RPL13: variants seen among roughly 807,000 people sequenced by gnomAD.
The protein encoded by RPL13 is large ribosomal subunit protein eL13.
Under a neutral mutation model 21.4 loss-of-function variants are expected in RPL13, and 1 was observed. The ratio of observed to expected loss-of-function variants is 0.05; its 90% confidence interval spans 0.02 to 0.22. The LOEUF is 0.22. Ranked by LOEUF, RPL13 falls within the 10% of genes least tolerant of loss-of-function variation. The pLI is 1.00. For synonymous variants in RPL13, 143 were observed against 120.5 expected (o/e 1.19, Z -1.23); for missense variants, 289 against 303.0 (o/e 0.95, Z 0.34).
chr16:89,562,430 A>C, intron 5 of RPL13, 39 bp downstream of exon 5: 1 of 1,595,912 alleles, frequency 6.3e-7, no homozygotes, highest in Admixed American at 1.8e-5. Context: ...TTCAGACGAG[A>C]TCAGTGGGTG....
Position 89,562,407 on chromosome 16 carries a change from C to G in RPL13, c.477+16C>G, listed in dbSNP as rs189476354. The G allele has an allele frequency of 1.5e-4, 249 of 1,609,072 alleles. 1 individual carries two copies. The East Asian group carries it at 4.8e-3, about 31-fold the overall frequency. ...CGTCCGGAACGTAAGTGAACACTTA[C>G]TCAAATCCAGGCTTCAGACGAGATC... On this transcript the variant is annotated intron_variant, in intron 5 of 5. Transcript: ENST00000311528.
chr16:89,560,695 T>G lies in RPL13; in HGVS notation c.-38T>G. ...CGGGGCCGCTTCCTTTCCGCTCGGC[T>G]GTTTTCCTGCGCAGGAGGTGAGGGA... On this transcript the variant is annotated 5_prime_UTR_variant, in exon 1 of 6. Transcript: ENST00000311528. The G allele has an allele frequency of 2.0e-5, 8 of 392,678 alleles. No individual in the cohort carries two copies. The highest frequency in any genetic ancestry group is 2.3e-5 in the Non-Finnish European group (5 of 219,890). 24.3% of individuals were successfully genotyped at this position (392,678 alleles called of 1,614,324 possible).
chr16:89,564,074 C>T lies in RPL13; in HGVS notation c.*1032C>T, dbSNP rs891185242. On this transcript the variant is annotated 3_prime_UTR_variant, in exon 6 of 6. Transcript: ENST00000311528. Reference sequence around the variant, plus strand: ...TGCTCAGACACAGCCTGCCCTAGTCCTACCAGCTCACAGCAGCACCTGCTC... The same window carrying T: ...TGCTCAGACACAGCCTGCCCTAGTCTTACCAGCTCACAGCAGCACCTGCTC... 6.6e-6 allele frequency: 1 copy of T among 152,294 alleles called. No homozygotes were observed. The highest frequency in any genetic ancestry group is 2.4e-5 in the African/African-American group (1 of 41,450). 9.4% of individuals were successfully genotyped at this position (152,294 alleles called of 1,614,324 possible).
At chr16:89,564,811 TCCTC>T (rs2058772128), downstream of RPL13, 1 of 152,362 alleles carries the variant, frequency 6.6e-6, no homozygotes, top group African/African-American at 2.4e-5. Context: ...CCAGCCTGCT[TCCTC>T]CCTGCCCACA....
In RPL13 at chr16:89,564,464, C is replaced by T. The variant is rs528587314; in HGVS notation, c.*1422C>T. On this transcript the variant is annotated 3_prime_UTR_variant, in exon 6 of 6. Coordinates refer to ENST00000311528, the MANE Select transcript of RPL13 (RefSeq NM_000977.4). The stretch of plus-strand genomic sequence containing the variant: ...GTGGCTCACGCCTGTAATCCTAACA[C>T]TGGGAGGCCGAGGCGGGTGGATCAC... 1 of 152,194 alleles carries T rather than the reference C, an allele frequency of 6.6e-6. No homozygotes were observed. Among genetic ancestry groups the T allele is most frequent in the Admixed American group, 6.5e-5 (1 of 15,276 alleles). 9.4% of individuals were successfully genotyped at this position (152,194 alleles called of 1,614,324 possible). A position where few individuals can be genotyped will look rare whatever the true frequency, so the allele number is the denominator to read the frequency against.
chr16:89,560,874 G>C lies in RPL13; in HGVS notation c.-20-66G>C, dbSNP rs1597673573. On this transcript the variant is annotated intron_variant, in intron 1 of 5. Coordinates refer to ENST00000311528, the MANE Select transcript of RPL13 (RefSeq NM_000977.4). ...GACGGCCCAGTCTGGAGGGTTCGGGGCGGAGGCCCGGGGGGGTGCGCGCGC... is the reference window on the plus strand; with the variant it reads ...GACGGCCCAGTCTGGAGGGTTCGGGCCGGAGGCCCGGGGGGGTGCGCGCGC... 1.2e-5 allele frequency: 15 copies of C among 1,228,632 alleles called. No homozygotes were observed. The East Asian group carries it at 4.2e-4, about 34-fold the overall frequency. 76.1% of individuals were successfully genotyped at this position (1,228,632 alleles called of 1,614,324 possible).
In RPL13 at chr16:89,560,708, A is replaced by C; in HGVS notation, c.-25A>C. 2.4e-6 allele frequency: 1 copy of C among 424,698 alleles called. No individual in the cohort carries two copies. The highest frequency in any genetic ancestry group is 4.1e-5 in the East Asian group (1 of 24,472). 26.3% of individuals were successfully genotyped at this position (424,698 alleles called of 1,614,324 possible). On this transcript the variant is annotated 5_prime_UTR_variant, in exon 1 of 6. Coordinates refer to ENST00000311528, the MANE Select transcript of RPL13 (RefSeq NM_000977.4). ...TTTCCGCTCGGCTGTTTTCCTGCGC[A>C]GGAGGTGAGGGAGACTGGGTCCTGG...
intron 4 of RPL13, 172 bp downstream of exon 4, chr16:89,561,923 T>G (rs2058748008): frequency 2.7e-6 from 2 of 740,202 alleles, no homozygotes; most frequent in South Asian, 1.9e-5. Context: ...AGAGATAACC[T>G]TAATGGACAT....
intron 5 of RPL13, 34 bp from the exon 6 acceptor site, chr16:89,562,850 C>A: frequency 6.7e-7 from 1 of 1,500,550 alleles, no homozygotes. Context: ...CCCTTTGGTG[C>A]ATGTGGGTTT....
At chr16:89,562,303 A>G (rs1442853339) in intron 4 of RPL13, 32 bp from the exon 5 acceptor site, 1 of 1,610,968 alleles carries the variant, frequency 6.2e-7, no homozygotes, top group South Asian at 1.1e-5. Flanking sequence ...CAGTGCGGCC[A>G]ACCCCACTTA....
At position 89,564,011 on chromosome 16, in the gene RPL13, G is replaced by T. The variant is rs2058764803; in HGVS notation, c.*969G>T. ...CCCTGGTCTGAGCTGGCATCCCCAT[G>T]TCTTCTGTGTCCGAGGGCAGCATGG... On this transcript the variant is annotated 3_prime_UTR_variant, in exon 6 of 6. Transcript: ENST00000311528. 1 of 152,242 alleles carries T rather than the reference G, an allele frequency of 6.6e-6. No individual in the cohort carries two copies. The highest frequency in any genetic ancestry group is 2.4e-5 in the African/African-American group (1 of 41,460). 9.4% of individuals were successfully genotyped at this position (152,242 alleles called of 1,614,324 possible). A position where few individuals can be genotyped will look rare whatever the true frequency, so the allele number is the denominator to read the frequency against.
chr16:89,562,364 G>A lies in RPL13; in HGVS notation c.450G>A (p.Leu150=), dbSNP rs2058751514. The change falls in exon 5 of 6, where the codon CTG becomes CTA. Residue 150 remains leucine (L), a synonymous_variant. Transcript: ENST00000311528. Reference sequence around the variant, plus strand: ...AAGAACTGAAACTGGCCACCCAGCTGACCGGACCGGTCATGCCCGTCCGGA... The same window carrying A: ...AAGAACTGAAACTGGCCACCCAGCTAACCGGACCGGTCATGCCCGTCCGGA... ...SAEELKLATQ[L]TGPVMPVRNV... 1 of 1,613,150 alleles carries A rather than the reference G, an allele frequency of 6.2e-7. No homozygotes were observed. The highest frequency in any genetic ancestry group is 8.5e-7 in the Non-Finnish European group (1 of 1,179,882).
At chr16:89,566,135 A>G (rs917149437), downstream of RPL13, 1 of 144,504 alleles carries the variant, frequency 6.9e-6, no homozygotes, top group Admixed American at 7.2e-5. Context: ...GCAGCCTCCC[A>G]CAGTGGGTGG....
chr16:89,560,803 C>T, intron 1 of RPL13, 91 bp downstream of exon 1: 4 of 572,932 alleles, frequency 7.0e-6, no homozygotes, highest in East Asian at 6.6e-5. Context: ...GCCCCTTCTT[C>T]TTCGCAGACA....
intron 5 of RPL13, chr16:89,562,599 T>G (rs532909347): frequency 1.7e-6 from 1 of 591,838 alleles, no homozygotes; most frequent in East Asian, 3.2e-5. Flanking sequence ...TTGTTTGTTT[T>G]GTGTTTTTTT....
rs369455249 is a variant in RPL13, at chr16:89,563,236, T to G, written c.*194T>G. On this transcript the variant is annotated 3_prime_UTR_variant, in exon 6 of 6. Transcript: ENST00000311528. ...TTCTGTGTTGAAGCACTGTTGGTTG[T>G]TTGGTTAGTGACTGATGTAAAACGG... 3.5e-5 allele frequency: 17 copies of G among 480,826 alleles called. No homozygotes were observed. The highest frequency in any genetic ancestry group is 2.6e-4 in the East Asian group (7 of 26,532). The allele number at this position is 480,826 out of a possible 1,614,324, so 29.8% of individuals were successfully genotyped here.
intron 1 of RPL13, 28 bp from the exon 2 acceptor site, chr16:89,560,912 C>T (rs768433318): frequency 3.9e-6 from 6 of 1,530,054 alleles, no homozygotes; most frequent in South Asian, 1.2e-5. Context: ...GGGGTCCGGC[C>T]TCTCACTCGC....
At chr16:89,561,906 T>C in intron 4 of RPL13, 155 bp downstream of exon 4, 1 of 847,956 alleles carries the variant, frequency 1.2e-6, no homozygotes, top group Non-Finnish European at 1.8e-6. Flanking sequence ...CACCTGTGCG[T>C]TTCCGCAGAG....
intron 4 of RPL13, chr16:89,561,974 G>T (rs2058748350): frequency 1.6e-6 from 1 of 608,254 alleles, no homozygotes; most frequent in East Asian, 2.8e-5. Context: ...TTCCATTGAC[G>T]TTGCTCTCCC....
Sources: allele counts gnomAD v4.1 joint callset, GRCh38; gene constraint gnomAD v4.1.1; transcripts MANE v1.5; gene names NCBI Gene and HGNC (gene_info 2026-07-23, HGNC 2026-07-21).